Variants in NADK2 observed in about 807,000 individuals in gnomAD.
NADK2 encodes NAD kinase 2, mitochondrial.
A neutral mutation model predicts 62.1 loss-of-function variants in NADK2; 35 were observed. That is an observed-to-expected ratio of 0.56 (90% CI 0.43 to 0.75). The LOEUF (loss-of-function observed/expected upper bound fraction) is 0.75. NADK2 is among the 30% of genes least tolerant of loss of function. NADK2 has a pLI of 0.00. For synonymous variants in NADK2, 205 were observed against 207.9 expected (o/e 0.99, Z 0.12); for missense variants, 439 against 561.3 (o/e 0.78, Z 2.20).
intron 5 of NADK2, among the ~76,000 whole-genome samples, chr5:36,219,306 G>A (rs1747163032): frequency 6.6e-6 from 1 of 152,110 alleles, no homozygotes; most frequent in Non-Finnish European, 1.5e-5. Flanking sequence ...TACCTCCTGG[G>A]CTCAAGTGAT....
At chr5:36,224,773 CA>C (rs1747418422) in intron 4 of NADK2, among the ~76,000 whole-genome samples, 2 of 151,950 alleles carry the variant, frequency 1.3e-5, no homozygotes. Flanking sequence ...TCCAGATCAC[CA>C]TAAAGTCCAG....
chr5:36,202,584 T>C lies in NADK2; in HGVS notation c.957-1423A>G, dbSNP rs139518911. On this transcript the variant is annotated intron_variant, in intron 8 of 11. Transcript: ENST00000381937. Reference sequence around the variant, plus strand: ...TAACTATTCCCCAAACCTGTTTTTCTTCCTGAACGCATAGGTTATATTTTC... The same window carrying C: ...TAACTATTCCCCAAACCTGTTTTTCCTCCTGAACGCATAGGTTATATTTTC... Among the ~76,000 whole-genome samples the C allele has an allele frequency of 1.1e-3, 163 of 152,222 alleles. 4 individuals are homozygous for C. The highest frequency in any genetic ancestry group is 3.6e-3 in the African/African-American group (150 of 41,572).
intron 8 of NADK2, 148 bp from the exon 9 acceptor site, chr5:36,201,309 C>T (rs1415367153): frequency 1.5e-6 from 1 of 664,092 alleles, no homozygotes; most frequent in African/African-American, 1.8e-5. Context: ...AAATAATGTG[C>T]TAGTATGGGT....
rs1490636739 is a variant in NADK2 at position 36,201,107 on chromosome 5, A to G, written c.1011T>C (p.Ile337=). The change falls in exon 9 of 12, where the codon ATT becomes ATC. Residue 337 remains isoleucine (I), a splice_region_variant and synonymous_variant. Transcript: ENST00000381937. Reference sequence around the variant, plus strand: ...TCCAATAGCTGTTTTGGTACTCACCAATATTTAAAACATCTTCTACAGCCT... The same window carrying G: ...TCCAATAGCTGTTTTGGTACTCACCGATATTTAAAACATCTTCTACAGCCT... The part of the protein sequence containing the change: ...ATQAVEDVLN[I]AKRQGNLSLP... The G allele has an allele frequency of 1.9e-6, 3 of 1,612,378 alleles. No individual in the cohort carries two copies. Among genetic ancestry groups the G allele is most frequent in the Middle Eastern group, 1.7e-4 (1 of 6,038 alleles).
rs1404839250 is a variant in NADK2 at position 36,193,781 on chromosome 5, AAG to A, written c.*1361_*1362del. On this transcript the variant is annotated 3_prime_UTR_variant, in exon 12 of 12. Transcript: ENST00000381937. ...CAACATGTTAAATATTGGCAAAACTAAGAGCACTCAATTCGACTATCCGTCCA... is the reference window on the plus strand; with the variant it reads ...CAACATGTTAAATATTGGCAAAACTAAGCACTCAATTCGACTATCCGTCCA... 1.3e-5 allele frequency: 2 copies of A among 152,628 alleles called. No homozygotes were observed. The highest frequency in any genetic ancestry group is 4.8e-5 in the African/African-American group (2 of 41,456). 9.5% of individuals were successfully genotyped at this position (152,628 alleles called of 1,614,324 possible).
At chr5:36,216,214 C>G (rs958454534) in intron 6 of NADK2, among the ~76,000 whole-genome samples, 1 of 152,052 alleles carries the variant, frequency 6.6e-6, no homozygotes, top group African/African-American at 2.4e-5. Flanking sequence ...TTTCATATAG[C>G]TGTTGGTCAT....
chr5:36,209,337 C>T (rs1746755764), intron 7 of NADK2, among the ~76,000 whole-genome samples: 1 of 152,096 alleles, frequency 6.6e-6, no homozygotes, highest in Admixed American at 6.6e-5. Context: ...TCAACTGATC[C>T]AAGTTTTCCT....
chr5:36,215,835 C>T (rs1180228800), intron 6 of NADK2, among the ~76,000 whole-genome samples: 1 of 152,026 alleles, frequency 6.6e-6, no homozygotes, highest in East Asian at 1.9e-4. Context: ...TTTCCATATT[C>T]ATTTATCTAC....
intron 1 of NADK2, 110 bp from the exon 2 acceptor site, chr5:36,227,675 TTTA>T: frequency 2.1e-6 from 1 of 476,558 alleles, no homozygotes; most frequent in Non-Finnish European, 3.4e-6. Flanking sequence ...GAAAATATAT[TTTA>T]ATAACTACCT....
chr5:36,195,027 G>A lies in NADK2; in HGVS notation c.*117C>T. ...GAAGAATAATGCAAATCTCACTTCTGAGCCCACGGGCAAGCAGTCTCAACA... is the reference window on the plus strand; with the variant it reads ...GAAGAATAATGCAAATCTCACTTCTAAGCCCACGGGCAAGCAGTCTCAACA... On this transcript the variant is annotated 3_prime_UTR_variant, in exon 12 of 12. Transcript: ENST00000381937. 1 of 1,037,180 alleles carries A rather than the reference G, an allele frequency of 9.6e-7. No individual in the cohort carries two copies. Among genetic ancestry groups the A allele is most frequent in the Non-Finnish European group, 1.4e-6 (1 of 725,608 alleles). 64.2% of individuals were successfully genotyped at this position (1,037,180 alleles called of 1,614,324 possible). A position where few individuals can be genotyped will look rare whatever the true frequency, so the allele number is the denominator to read the frequency against.
intron 8 of NADK2, among the ~76,000 whole-genome samples, chr5:36,206,011 G>T (rs1746621036): frequency 1.3e-5 from 2 of 152,076 alleles, no homozygotes; most frequent in African/African-American, 4.8e-5. Flanking sequence ...GATGAAGCTG[G>T]AAACCATCAT....
At chr5:36,200,169 C>A in intron 10 of NADK2, 58 bp downstream of exon 10, 1 of 1,265,374 alleles carries the variant, frequency 7.9e-7, no homozygotes, top group Non-Finnish European at 1.1e-6. Context: ...TTCACACTAT[C>A]ATCCTTAAAA....
At chr5:36,237,894 T>C (rs1170183880) in intron 1 of NADK2, among the ~76,000 whole-genome samples, 1 of 152,174 alleles carries the variant, frequency 6.6e-6, no homozygotes, top group Non-Finnish European at 1.5e-5. Context: ...GTCAGAGTCT[T>C]GCGGGGCTAA....
At chr5:36,226,653 G>C in intron 2 of NADK2, 90 bp from the exon 3 acceptor site, 1 of 810,388 alleles carries the variant, frequency 1.2e-6, no homozygotes, top group Non-Finnish European at 2.0e-6. Context: ...GATTACAATA[G>C]AGATGTAAAA....
In NADK2 at chr5:36,205,084, T is replaced by G. The variant is rs1265988810; in HGVS notation, c.956+2086A>C. On this transcript the variant is annotated intron_variant, in intron 8 of 11. Transcript: ENST00000381937. The surrounding 1 kb of genome is among the most constrained non-coding windows in gnomAD (Gnocchi z 4.1). ...AGTCATTTACTCAAAAAATATTTTT[T>G]GAGTGAATATATATAAGGTACTGTG... 5.3e-5 allele frequency among the ~76,000 whole-genome samples: 8 copies of G among 151,990 alleles called. No individual in the cohort carries two copies. The highest frequency in any genetic ancestry group is 1.2e-4 in the Non-Finnish European group (8 of 67,972).
chr5:36,229,798 CTGAATACTTGAAA>C (rs1333150333), intron 1 of NADK2, among the ~76,000 whole-genome samples: 4 of 149,966 alleles, frequency 2.7e-5, no homozygotes, highest in Admixed American at 6.6e-5. Flanking sequence ...ATGCTAGATA[CTGAATACTTGAAA>C]TGCTATTATT....
intron 1 of NADK2, among the ~76,000 whole-genome samples, chr5:36,233,652 C>A (rs931627318): frequency 4.6e-5 from 7 of 152,080 alleles, no homozygotes; most frequent in African/African-American, 1.7e-4. Flanking sequence ...ATTTTTAATT[C>A]TTCCCTGTTA....
rs778585579 is a variant in NADK2 at position 36,219,655 on chromosome 5, G to C, written c.585C>G (p.Pro195=). 1.2e-6 allele frequency: 2 copies of C among 1,613,844 alleles called. No homozygotes were observed. The highest frequency in any genetic ancestry group is 1.7e-6 in the Non-Finnish European group (2 of 1,179,886). ...CTGGAAAGGAATGTGTATATCGAAC[G>C]GGCAGGCATAAATGACCCTCAGACC... The part of the protein sequence containing the change: ...PERSEGHLCL[P]VRYTHSFPEA... Residue 195 remains proline, a synonymous_variant, in exon 5 of 12, where the codon CCC becomes CCG. Transcript: ENST00000381937.
intron 7 of NADK2, among the ~76,000 whole-genome samples, chr5:36,211,567 T>A (rs961345095): frequency 6.8e-5 from 9 of 133,078 alleles, no homozygotes; most frequent in African/African-American, 1.4e-4. Flanking sequence ...AAAAAAAAAA[T>A]AATAAAGCAT....
Sources: allele counts gnomAD v4.1 joint callset (sites outside exome capture counted in the v4.1 genomes callset), GRCh38; gene constraint gnomAD v4.1.1; non-coding constraint Gnocchi (gnomAD v3.1); transcripts MANE v1.5; gene names NCBI Gene and HGNC (gene_info 2026-07-23, HGNC 2026-07-21).